UPF1: variants seen among roughly 807,000 people sequenced by gnomAD.
The protein encoded by UPF1 is UPF1 RNA helicase and ATPase, also known as regulator of nonsense transcripts 1.
Under a neutral mutation model 129.2 loss-of-function variants are expected in UPF1, and 9 were observed. The ratio of observed to expected loss-of-function variants is 0.07; its 90% CI spans 0.04 to 0.12. UPF1 has a LOEUF of 0.12. Ranked by LOEUF, UPF1 falls within the 10% of genes least tolerant of loss-of-function variation. The pLI is 1.00. For synonymous variants in UPF1, 649 were observed against 644.9 expected, an observed-to-expected ratio of 1.01 and a Z score of -0.10; for missense variants, 788 against 1,525.3, an observed-to-expected ratio of 0.52 and a Z score of 8.05.
In UPF1 at chr19:18,857,025, G is replaced by T. The variant is rs1430177404; in HGVS notation, c.1968+5G>T. 6.2e-7 allele frequency: 1 copy of T among 1,607,116 alleles called. No homozygotes were observed. Among genetic ancestry groups the T allele is most frequent in the South Asian group, 1.1e-5 (1 of 90,404 alleles). On this transcript the variant is annotated splice_donor_5th_base_variant and intron_variant, in intron 14 of 23. Coordinates refer to ENST00000262803, the MANE Select transcript of UPF1 (RefSeq NM_002911.4). ...GTGGTCCTCGGGGCCAAGCAGGTGG[G>T]CTGCCTCCCCTGCCCTCCTGTGTGA... is the stretch of plus-strand genomic sequence containing the variant.
chr19:18,855,708 G>T, intron 11 of UPF1: 1 of 629,902 alleles, frequency 1.6e-6, no homozygotes, highest in Non-Finnish European at 2.7e-6. Flanking sequence ...ATTAGCTGGG[G>T]GTAGTGGCGT....
At chr19:18,846,417 A>G (rs2055600068) in intron 2 of UPF1, among the ~76,000 whole-genome samples, 1 of 151,966 alleles carries the variant, frequency 6.6e-6, no homozygotes, top group Admixed American at 6.6e-5. Flanking sequence ...GCACTCACTC[A>G]TAGAAAGAAT....
At chr19:18,836,116 A>G (rs916984865) in intron 1 of UPF1, among the ~76,000 whole-genome samples, 1 of 152,194 alleles carries the variant, frequency 6.6e-6, no homozygotes, top group African/African-American at 2.4e-5. Flanking sequence ...CTGACACAGT[A>G]TTGCCAAGTG....
At chr19:18,863,680 GCCAGCTTGGC>G in intron 19 of UPF1, 68 bp downstream of exon 19, 2 of 1,526,142 alleles carry the variant, frequency 1.3e-6, no homozygotes, top group South Asian at 1.2e-5. Flanking sequence ...CTGGGAACGT[GCCAGCTTGGC>G]CCGTGTGCCC....
Position 18,868,194 on chromosome 19 carries a change from T to G in UPF1, c.*1677T>G, listed in dbSNP as rs1369959003. 5 of 245,160 alleles carry G rather than the reference T, an allele frequency of 2.0e-5. No homozygotes were observed. The East Asian group carries it at 5.0e-4, about 25-fold the overall frequency. 15.2% of individuals were successfully genotyped at this position (245,160 alleles called of 1,614,324 possible). On this transcript the variant is annotated 3_prime_UTR_variant, in exon 24 of 24. Transcript: ENST00000262803. The stretch of plus-strand genomic sequence containing the variant: ...TTTGATTTTCGGTCAATTTAAGTTC[T>G]TTTGTCACCAAATATTAATAAACAG...
chr19:18,867,602 A>G lies in UPF1; in HGVS notation c.*1085A>G, dbSNP rs1293145605. 5 of 152,420 alleles carry G rather than the reference A, an allele frequency of 3.3e-5. No homozygotes were observed. Among genetic ancestry groups the G allele is most frequent in the African/African-American group, 1.2e-4 (5 of 41,454 alleles). 9.4% of individuals were successfully genotyped at this position (152,420 alleles called of 1,614,324 possible). ...GTTAGACACGGAGCGCTGCACACCGAAAGCCCAAATTGGGAGCTCTGCCTG... is the reference window on the plus strand; with the variant it reads ...GTTAGACACGGAGCGCTGCACACCGGAAGCCCAAATTGGGAGCTCTGCCTG... On this transcript the variant is annotated 3_prime_UTR_variant, in exon 24 of 24. Transcript: ENST00000262803.
chr19:18,833,666 C>G (rs1190921694), intron 1 of UPF1, among the ~76,000 whole-genome samples: 1 of 152,110 alleles, frequency 6.6e-6, no homozygotes, highest in African/African-American at 2.4e-5. Flanking sequence ...TGCCTGACCT[C>G]TCGCTCAGGT....
In UPF1 at chr19:18,857,776, A is replaced by C. The variant is rs546927053; in HGVS notation, c.2182+243A>C. Among the ~76,000 whole-genome samples the C allele has an allele frequency of 1.1e-4, 17 of 152,312 alleles. No homozygotes were observed. In the East Asian group the frequency reaches 3.3e-3, roughly 29 times the overall value. On this transcript the variant is annotated intron_variant, in intron 15 of 23. Transcript: ENST00000262803. ...CAGTCATTGCCTGAGAATTCATCCA[A>C]GCCTCATGTGGCAGCATGCACAGCA...
At chr19:18,857,906 C>T (rs1435560401) in intron 15 of UPF1, among the ~76,000 whole-genome samples, 2 of 152,224 alleles carry the variant, frequency 1.3e-5, no homozygotes, top group African/African-American at 2.4e-5. Flanking sequence ...CCCTGGGGCC[C>T]GCAAGACCGT....
chr19:18,841,118 T>C (rs1402025859), intron 1 of UPF1, among the ~76,000 whole-genome samples: 1 of 152,280 alleles, frequency 6.6e-6, no homozygotes, highest in African/African-American at 2.4e-5. Flanking sequence ...GCGCATAGCT[T>C]GCAGCCCTGC....
At chr19:18,856,727 C>G in intron 13 of UPF1, 150 bp from the exon 14 acceptor site, 1 of 1,180,420 alleles carries the variant, frequency 8.5e-7, no homozygotes, top group East Asian at 2.6e-5. Context: ...CAGCCTGGAC[C>G]ATGTATCTTG....
Position 18,856,041 on chromosome 19 carries a change from C to G in UPF1, c.1661C>G (p.Ser554Cys). 1 of 1,614,088 alleles carries G rather than the reference C, an allele frequency of 6.2e-7. No homozygotes were observed. The highest frequency in any genetic ancestry group is 1.1e-5 in the South Asian group (1 of 91,086). ...GCCAAGAGCCGTGAGGCCATCGACT[C>G]CCCGGTGTCTTTTCTGGCCCTGCAC... ...LCAKSREAID[S>C]PVSFLALHNQ... The change falls in exon 12 of 24, where the codon TCC (serine) becomes TGC (cysteine). Residue 554 changes from serine to cysteine, a missense_variant. By Grantham distance (112) the Ser-to-Cys change is moderately radical. Around this residue, in one of 6 missense-constraint regions of UPF1, gnomAD observed 91 missense variants for 157.2 expected, o/e 0.58. Transcript: ENST00000262803.
intron 1 of UPF1, among the ~76,000 whole-genome samples, chr19:18,840,143 A>G (rs560239865): frequency 2.0e-5 from 3 of 152,152 alleles, no homozygotes; most frequent in Admixed American, 2.0e-4. Flanking sequence ...GAGGTTGGGC[A>G]TTGTGGCCCA....
intron 23 of UPF1, 33 bp downstream of exon 23, chr19:18,866,199 C>G (rs939485378): frequency 2.0e-6 from 3 of 1,537,068 alleles, no homozygotes; most frequent in Non-Finnish European, 2.6e-6. Flanking sequence ...TGGCCCCACC[C>G]CAGCCTCAAG....
chr19:18,839,749 C>T (rs1441774044), intron 1 of UPF1, among the ~76,000 whole-genome samples: 1 of 152,220 alleles, frequency 6.6e-6, no homozygotes, highest in Non-Finnish European at 1.5e-5. Flanking sequence ...CCTGGCCTTG[C>T]TGTGCTTGTG....
rs554323963 is a variant in UPF1 at position 18,840,198 on chromosome 19, G to A, written c.232-5782G>A. 1.8e-4 allele frequency among the ~76,000 whole-genome samples: 27 copies of A among 152,262 alleles called. 1 individual carries two copies. In the South Asian group the frequency reaches 2.9e-3, roughly 16 times the overall value. ...GGAGGGGCCACAGGGCAGTGGAGAC[G>A]GAGGACACCGGGATCAGGGCTGTGT... On this transcript the variant is annotated intron_variant, in intron 1 of 23. Transcript: ENST00000262803.
chr19:18,836,476 G>A (rs1270768491), intron 1 of UPF1, among the ~76,000 whole-genome samples: 1 of 152,138 alleles, frequency 6.6e-6, no homozygotes, highest in Non-Finnish European at 1.5e-5. Flanking sequence ...AAAAATTCTA[G>A]AAATTGCCAG....
At chr19:18,864,361 C>T (rs529735638) in intron 20 of UPF1, 110 bp downstream of exon 20, 67 of 981,572 alleles carry the variant, frequency 6.8e-5, no homozygotes, top group South Asian at 6.1e-4. Flanking sequence ...CCCTCAAGGG[C>T]GGTGCCTGGC....
Position 18,832,369 on chromosome 19 carries a change from CCGGGCGGTGGCGGCG to C in UPF1, c.165_179del (p.Gly57_Gly61del). 2 of 1,297,024 alleles carry C rather than the reference CCGGGCGGTGGCGGCG, an allele frequency of 1.5e-6. No homozygotes were observed. Among genetic ancestry groups the C allele is most frequent in the Non-Finnish European group, 1.0e-6 (1 of 999,856 alleles). 80.3% of individuals were successfully genotyped at this position (1,297,024 alleles called of 1,614,324 possible). A position where few individuals can be genotyped will look rare whatever the true frequency, so the allele number is the denominator to read the frequency against. The stretch of plus-strand genomic sequence containing the variant: ...GACGCCCCCCGGCGGCCCCGGCGGC[CCGGGCGGTGGCGGCG>C]CGGGAGGCCCGGGCGGCGCGGGCGC... On this transcript the variant is annotated inframe_deletion, in exon 1 of 24. Transcript: ENST00000262803. This position sits in a 1 kb window ranked among gnomAD's most constrained non-coding sequence, Gnocchi z 5.6.
Sources: gnomAD v4.1 joint callset for allele counts (sites outside exome capture counted in the v4.1 genomes callset) on GRCh38, gnomAD v4.1.1 for gene constraint, gnomAD v4.1.1 regional missense constraint, Gnocchi (gnomAD v3.1) non-coding constraint, MANE v1.5 for transcripts, NCBI Gene and HGNC (gene_info 2026-07-23, HGNC 2026-07-21) for gene names.